CACNA1B: variants seen among roughly 807,000 people sequenced by gnomAD.
CACNA1B encodes voltage-dependent N-type calcium channel subunit alpha-1B.
Under a neutral mutation model 247.2 loss-of-function variants are expected in CACNA1B, and 70 were observed. The ratio of observed to expected loss-of-function variants is 0.28; its 90% CI spans 0.23 to 0.35. CACNA1B has a LOEUF of 0.35. Among genes scored for constraint, CACNA1B ranks in the 10% least tolerant of loss-of-function variants. The probability of loss-of-function intolerance (pLI) is 1.00; values close to 1 mark genes in which losing one functional copy is unlikely to be tolerated. For synonymous variants in CACNA1B, 1,231 were observed against 1,294.4 expected (o/e 0.95, Z 1.05); for missense variants, 2,367 against 3,197.4 (o/e 0.74, Z 6.26).
chr9:138,035,616 G>A lies in CACNA1B; in HGVS notation c.3287-8158G>A, dbSNP rs139569150. ...CCTCCTTCCCTCCTTCCCTTGATAA[G>A]CCCTTTTTTCCCTGAAGTTTTGTCC... On this transcript the variant is annotated intron_variant, in intron 20 of 46. Transcript: ENST00000371372. Among the ~76,000 whole-genome samples, 42 of 151,754 alleles carry A rather than the reference G, an allele frequency of 2.8e-4. No individual in the cohort carries two copies. In the East Asian group the frequency reaches 7.8e-3, roughly 28 times the overall value.
intron 6 of CACNA1B, among the ~76,000 whole-genome samples, chr9:137,925,175 T>C (rs868631656): frequency 6.6e-6 from 1 of 152,168 alleles, no homozygotes; most frequent in Middle Eastern, 3.4e-3. Context: ...AGTTCAACGA[T>C]GTATTACCTA....
At chr9:137,942,431 CTAAAAG>C (rs1238200330) in intron 6 of CACNA1B, among the ~76,000 whole-genome samples, 1 of 152,176 alleles carries the variant, frequency 6.6e-6, no homozygotes, top group Admixed American at 6.5e-5. Context: ...CCTTAAAGAA[CTAAAAG>C]TAAAACTACC....
At chr9:138,079,414 A>G (rs187301634) in intron 36 of CACNA1B, among the ~76,000 whole-genome samples, 10 of 152,216 alleles carry the variant, frequency 6.6e-5, no homozygotes, top group African/African-American at 1.9e-4. Context: ...GCCATGCACC[A>G]TATTGACGGA....
At chr9:137,911,319 G>A (rs1330177151) in intron 3 of CACNA1B, among the ~76,000 whole-genome samples, 2 of 152,124 alleles carry the variant, frequency 1.3e-5, no homozygotes, top group Non-Finnish European at 2.9e-5. Flanking sequence ...ATGTCTTCCC[G>A]TAGCATTGGG....
chr9:138,043,138 G>A (rs972528899), intron 20 of CACNA1B, among the ~76,000 whole-genome samples: 10 of 152,200 alleles, frequency 6.6e-5, no homozygotes, highest in African/African-American at 2.4e-4. Context: ...TGATTTGTGG[G>A]AGCACAGCTG....
rs1958708861 is a variant in CACNA1B at position 138,010,382 on chromosome 9, A to T, written c.2160+305A>T. The stretch of plus-strand genomic sequence containing the variant: ...AGCAGGAGGAGCAGCTGGTGGCCCT[A>T]TCCCAGCACAGCTGTGCCACAGTGG... On this transcript the variant is annotated intron_variant, in intron 17 of 46. Coordinates refer to ENST00000371372, the MANE Select transcript of CACNA1B (RefSeq NM_000718.4). This position sits in a 1 kb window ranked among gnomAD's most constrained non-coding sequence, Gnocchi z 5.3. Among the ~76,000 whole-genome samples the T allele has an allele frequency of 6.6e-6, 1 of 152,182 alleles. No homozygotes were observed. The highest frequency in any genetic ancestry group is 2.1e-4 in the South Asian group (1 of 4,834).
chr9:137,958,518 G>A (rs543763585), intron 10 of CACNA1B, among the ~76,000 whole-genome samples: 4 of 152,320 alleles, frequency 2.6e-5, no homozygotes, highest in African/African-American at 9.6e-5. Flanking sequence ...GCAACCTGGC[G>A]TTGCTGATGT....
At chr9:137,981,783 T>C (rs1958296131) in intron 12 of CACNA1B, among the ~76,000 whole-genome samples, 1 of 152,200 alleles carries the variant, frequency 6.6e-6, no homozygotes, top group Non-Finnish European at 1.5e-5. Context: ...CTTGCCTGTT[T>C]TCTACTTTTT....
At chr9:138,120,067 GGCC>G in intron 44 of CACNA1B, 95 bp from the exon 45 acceptor site, 1 of 1,013,810 alleles carries the variant, frequency 9.9e-7, no homozygotes, top group South Asian at 1.5e-5. Flanking sequence ...GGGGCGTGTG[GGCC>G]TGCTGTCTGG....
chr9:138,006,434 G>C (rs546855727), intron 15 of CACNA1B, among the ~76,000 whole-genome samples: 4 of 152,244 alleles, frequency 2.6e-5, no homozygotes, highest in Admixed American at 2.6e-4. Flanking sequence ...GCGCTGTTTC[G>C]TCTCTCCATG....
At chr9:137,962,135 C>A (rs1211313174) in intron 10 of CACNA1B, among the ~76,000 whole-genome samples, 1 of 152,012 alleles carries the variant, frequency 6.6e-6, no homozygotes, top group Admixed American at 6.6e-5. Context: ...GGAATTTATT[C>A]ATTTCTTCTA....
chr9:138,084,814 C>T (rs1165377979), intron 36 of CACNA1B, among the ~76,000 whole-genome samples: 6 of 150,466 alleles, frequency 4.0e-5, no homozygotes, highest in Non-Finnish European at 7.4e-5. Context: ...TAGCCGGGCG[C>T]GGTGGTGGGC....
intron 18 of CACNA1B, among the ~76,000 whole-genome samples, chr9:138,015,230 G>A (rs745783362): frequency 6.6e-6 from 1 of 152,178 alleles, no homozygotes; most frequent in Non-Finnish European, 1.5e-5. Flanking sequence ...TGCCTGCGGT[G>A]CAGCTGTGGG....
chr9:138,076,309 C>A (rs7036881), intron 35 of CACNA1B, among the ~76,000 whole-genome samples: 1 of 152,178 alleles, frequency 6.6e-6, no homozygotes, highest in African/African-American at 2.4e-5. Flanking sequence ...CACCTGCGCC[C>A]TTGTTGATTA....
chr9:138,012,961 G>T lies in CACNA1B; in HGVS notation c.2161-168G>T, dbSNP rs979378968. Among the ~76,000 whole-genome samples the T allele has an allele frequency of 6.6e-6, 1 of 152,110 alleles. No individual in the cohort carries two copies. Among genetic ancestry groups the T allele is most frequent in the East Asian group, 1.9e-4 (1 of 5,162 alleles). ...AGAGACAGCTCCTGTGGAACAGGTC[G>T]TGGGGGGCCACATTCACTCAGGGGT... On this transcript the variant is annotated intron_variant, in intron 17 of 46. Transcript: ENST00000371372. The surrounding 1 kb of genome is among the most constrained non-coding windows in gnomAD (Gnocchi z 4.2).
At chr9:137,922,154 G>C (rs1336301292) in intron 6 of CACNA1B, among the ~76,000 whole-genome samples, 1 of 135,388 alleles carries the variant, frequency 7.4e-6, no homozygotes, top group Non-Finnish European at 1.5e-5. Context: ...CGGAGAACAT[G>C]ATCAACACCA....
chr9:138,088,677 G>A (rs1040661754), intron 36 of CACNA1B, among the ~76,000 whole-genome samples: 25 of 151,828 alleles, frequency 1.6e-4, no homozygotes, highest in Admixed American at 1.3e-3. Flanking sequence ...CCCATCGGCC[G>A]GGCATGGTGG....
intron 37 of CACNA1B, among the ~76,000 whole-genome samples, chr9:138,098,238 G>A (rs1961123209): frequency 6.6e-6 from 1 of 152,218 alleles, no homozygotes; most frequent in South Asian, 2.1e-4. Flanking sequence ...TGCTGGGAGG[G>A]ACAGGCTCAG....
intron 41 of CACNA1B, among the ~76,000 whole-genome samples, chr9:138,115,268 A>G (rs1053058109): frequency 3.9e-5 from 6 of 152,188 alleles, no homozygotes; most frequent in African/African-American, 1.4e-4. Context: ...AGACAGGGAA[A>G]CTGAGGTTTT....
Sources: allele counts gnomAD v4.1 joint callset (sites outside exome capture counted in the v4.1 genomes callset), GRCh38; gene constraint gnomAD v4.1.1; non-coding constraint Gnocchi (gnomAD v3.1); transcripts MANE v1.5; gene names NCBI Gene and HGNC (gene_info 2026-07-23, HGNC 2026-07-21).